The following MRPS5 variants were observed in gnomAD, a reference collection of about 807,000 sequenced individuals.
MRPS5 encodes the protein small ribosomal subunit protein uS5m.
Under a neutral mutation model 51.9 loss-of-function variants are expected in MRPS5, and 27 were observed. The ratio of observed to expected loss-of-function variants is 0.52; its 90% CI spans 0.38 to 0.72. The LOEUF (loss-of-function observed/expected upper bound fraction) is 0.72, where lower values mean the gene tolerates loss of function less well. Among genes scored for constraint, MRPS5 ranks in the 30% least tolerant of loss-of-function variants. The pLI is 0.00. For synonymous variants in MRPS5, 196 were observed against 193.2 expected (o/e 1.01, Z -0.12); for missense variants, 570 against 545.7 (o/e 1.04, Z -0.44).
intron 3 of MRPS5, among the ~76,000 whole-genome samples, 162 bp from the exon 4 acceptor site, chr2:95,110,203 C>T (rs560951186): frequency 4.6e-5 from 7 of 152,304 alleles, no homozygotes; most frequent in East Asian, 1.9e-4. Context: ...ACACATCAGA[C>T]GGTTACACTT....
chr2:95,121,604 TG>T, intron 1 of MRPS5, 129 bp downstream of exon 1: 4 of 1,012,122 alleles, frequency 4.0e-6, no homozygotes, highest in Admixed American at 3.0e-5. Flanking sequence ...CGGCGGAAGG[TG>T]GGGGCACGGC....
chr2:95,101,743 A>T lies in MRPS5; in HGVS notation c.764-20T>A, dbSNP rs1675810493. The T allele has an allele frequency of 1.9e-6, 3 of 1,584,132 alleles. No homozygotes were observed. Among genetic ancestry groups the T allele is most frequent in the Admixed American group, 1.9e-5 (1 of 52,912 alleles). On this transcript the variant is annotated intron_variant, in intron 7 of 11. Transcript: ENST00000272418. Reference sequence around the variant, plus strand: ...AAAAACCTTTAAACAAAAAAGCAAAAATAAGAAAAGAGACAGAAATTTTGC... The same window carrying T: ...AAAAACCTTTAAACAAAAAAGCAAATATAAGAAAAGAGACAGAAATTTTGC...
intron 11 of MRPS5, among the ~76,000 whole-genome samples, chr2:95,088,905 A>C (rs1321025138): frequency 6.6e-6 from 1 of 152,164 alleles, no homozygotes; most frequent in Admixed American, 6.5e-5. Flanking sequence ...CATCTCTATT[A>C]AAAATACAAA....
chr2:95,112,158 G>A (rs761878618), intron 3 of MRPS5, among the ~76,000 whole-genome samples: 2 of 151,958 alleles, frequency 1.3e-5, no homozygotes, highest in Admixed American at 6.6e-5. Flanking sequence ...TCCGCCTCCC[G>A]GGTTCAAGAG....
At chr2:95,094,102 T>G (rs1675547437) in intron 10 of MRPS5, among the ~76,000 whole-genome samples, 1 of 152,162 alleles carries the variant, frequency 6.6e-6, no homozygotes, top group Non-Finnish European at 1.5e-5. Flanking sequence ...TAAGCTTCAG[T>G]AGCCAATTCA....
intron 1 of MRPS5, among the ~76,000 whole-genome samples, chr2:95,120,966 A>G: frequency 6.6e-6 from 1 of 152,098 alleles, no homozygotes; most frequent in Non-Finnish European, 1.5e-5. Flanking sequence ...AAAAATACAA[A>G]AATTAGCCAG....
rs554740592 is a variant in MRPS5 at position 95,087,470 on chromosome 2, C to A, written c.1180G>T (p.Asp394Tyr). The change falls in exon 12 of 12, where the codon GAT becomes TAT. Residue 394 changes from aspartate (D) to tyrosine (Y), a missense_variant. Coordinates refer to ENST00000272418, the MANE Select transcript of MRPS5 (RefSeq NM_031902.5). ...GGAACCTCATCTTCTGGCTCTGGAT[C>A]CTTCCTCAAGGGCCCCCGGGGGGAC... ...VASPRGPLRK[D>Y]PEPEDEVPDV... is the part of the protein sequence containing the mutation. 4 of 1,614,184 alleles carry A rather than the reference C, an allele frequency of 2.5e-6. No individual in the cohort carries two copies. Among genetic ancestry groups the A allele is most frequent in the Non-Finnish European group, 3.4e-6 (4 of 1,180,042 alleles).
rs1675280294 is a variant in MRPS5, at chr2:95,086,073, C to T, written c.*1284G>A. ...TACAGGCATACACCACCATGTGTGT[C>T]TAACTTTTAAATTTACTTTTACTTT... is the stretch of plus-strand genomic sequence containing the variant. On this transcript the variant is annotated 3_prime_UTR_variant, in exon 12 of 12. Transcript: ENST00000272418. Among the ~76,000 whole-genome samples the T allele has an allele frequency of 6.6e-6, 1 of 152,092 alleles. No individual in the cohort carries two copies. The highest frequency in any genetic ancestry group is 2.4e-5 in the African/African-American group (1 of 41,386).
Position 95,087,303 on chromosome 2 carries a change from A to C in MRPS5, c.*54T>G. The stretch of plus-strand genomic sequence containing the variant: ...TAACATCCCAAGCTGTGAGGGGCTG[A>C]GTCTCTCCTAGGTGCAGGGCAGCAC... On this transcript the variant is annotated 3_prime_UTR_variant, in exon 12 of 12. Transcript: ENST00000272418. 7.1e-7 allele frequency: 1 copy of C among 1,417,906 alleles called. No homozygotes were observed. The highest frequency in any genetic ancestry group is 2.3e-5 in the East Asian group (1 of 43,580). The allele number at this position is 1,417,906 out of a possible 1,614,324, so 87.8% of individuals were successfully genotyped here. A position where few individuals can be genotyped will look rare whatever the true frequency, so the allele number is the denominator to read the frequency against.
chr2:95,119,695 T>C (rs946710391), intron 1 of MRPS5, among the ~76,000 whole-genome samples: 5 of 151,466 alleles, frequency 3.3e-5, no homozygotes, highest in African/African-American at 4.9e-5. Context: ...AGTAGAGAAA[T>C]TGGAAGCCTC....
intron 1 of MRPS5, among the ~76,000 whole-genome samples, chr2:95,118,740 C>T (rs1474444113): frequency 6.6e-6 from 1 of 152,144 alleles, no homozygotes. Context: ...TGAGACCATT[C>T]AATGAGGAAA....
intron 11 of MRPS5, among the ~76,000 whole-genome samples, chr2:95,089,711 T>A (rs79806401): frequency 2.6e-5 from 4 of 152,308 alleles, no homozygotes; most frequent in Admixed American, 6.5e-5. Context: ...GGGTGCTTCA[T>A]CCTAGCCCCA....
intron 10 of MRPS5, among the ~76,000 whole-genome samples, chr2:95,095,133 G>A (rs555005464): frequency 4.6e-5 from 7 of 152,206 alleles, no homozygotes; most frequent in Non-Finnish European, 7.4e-5. Context: ...AGACAAAGAA[G>A]GCCATTACAT....
chr2:95,113,000 G>A lies in MRPS5; in HGVS notation c.277+2066C>T, dbSNP rs771293218. Among the ~76,000 whole-genome samples, 173 of 149,632 alleles carry A rather than the reference G, an allele frequency of 1.2e-3. 1 individual carries two copies. Among genetic ancestry groups the A allele is most frequent in the Admixed American group, 1.3e-3 (20 of 15,022 alleles). ...AGCCTGGGCGACAGAGGGAGACTCC[G>A]TCTCAAAAAGAAAAGAAAAAAAAAA... On this transcript the variant is annotated intron_variant, in intron 3 of 11. Transcript: ENST00000272418.
At chr2:95,110,159 G>A in intron 3 of MRPS5, 118 bp from the exon 4 acceptor site, 1 of 1,322,456 alleles carries the variant, frequency 7.6e-7, no homozygotes, top group Non-Finnish European at 1.0e-6. Flanking sequence ...ATGCATCACT[G>A]AGGTAATGAA....
intron 7 of MRPS5, 25 bp from the exon 8 acceptor site, chr2:95,101,748 G>T: frequency 6.4e-7 from 1 of 1,563,294 alleles, no homozygotes. Flanking sequence ...GCAAAAATAA[G>T]AAAAGAGACA....
At chr2:95,089,620 T>C (rs1675399590) in intron 11 of MRPS5, among the ~76,000 whole-genome samples, 1 of 152,118 alleles carries the variant, frequency 6.6e-6, no homozygotes, top group African/African-American at 2.4e-5. Context: ...CATAGTTCCC[T>C]ACCAACCCAG....
At chr2:95,108,558 A>C (rs931498521) in intron 4 of MRPS5, 150 bp from the exon 5 acceptor site, 1 of 673,522 alleles carries the variant, frequency 1.5e-6, no homozygotes, top group Non-Finnish European at 2.5e-6. Context: ...ACTTGGCACA[A>C]TCAAAATTTT....
At chr2:95,114,034 C>T (rs1448960441) in intron 3 of MRPS5, among the ~76,000 whole-genome samples, 4 of 145,334 alleles carry the variant, frequency 2.8e-5, no homozygotes, top group South Asian at 2.3e-4. Flanking sequence ...GCAGGAGAAT[C>T]GCTCAAGCCC....
Sources: gnomAD v4.1 joint callset for allele counts (sites outside exome capture counted in the v4.1 genomes callset) on GRCh38, gnomAD v4.1.1 for gene constraint, MANE v1.5 for transcripts, NCBI Gene and HGNC (gene_info 2026-07-23, HGNC 2026-07-21) for gene names.